PSD3: variants seen among roughly 807,000 people sequenced by gnomAD.
PSD3 encodes pleckstrin and Sec7 domain containing 3.
A neutral mutation model predicts 105.5 loss-of-function variants in PSD3; 49 were observed. The observed-to-expected ratio is 0.46, with a 90% CI of 0.37 to 0.59. The LOEUF is 0.59. Ranked by LOEUF, PSD3 falls within the 20% of genes least tolerant of loss-of-function variation. The pLI is 0.00. For synonymous variants in PSD3, 557 were observed against 457.8 expected, an observed-to-expected ratio of 1.22 and a Z score of -2.77; for missense variants, 1,561 against 1,263.8, an observed-to-expected ratio of 1.24 and a Z score of -3.57.
intron 1 of PSD3, among the ~76,000 whole-genome samples, chr8:18,936,582 T>G (rs1459688964): frequency 6.6e-6 from 1 of 152,050 alleles, no homozygotes; most frequent in African/African-American, 2.4e-5. Flanking sequence ...ACCTACATGG[T>G]GAAACCCCAT....
intron 6 of PSD3, chr8:18,804,280 A>C (rs1810995473): frequency 2.6e-6 from 1 of 382,154 alleles, no homozygotes; most frequent in South Asian, 7.9e-5. Context: ...TGCTCCCTAA[A>C]GCATTTCAGA....
chr8:18,661,745 AG>A lies in PSD3; in HGVS notation c.2173-6061del, dbSNP rs148090302. 1.8e-3 allele frequency among the ~76,000 whole-genome samples: 272 copies of A among 152,304 alleles called. 1 individual carries two copies. The highest frequency in any genetic ancestry group is 6.0e-3 in the African/African-American group (249 of 41,564). On this transcript the variant is annotated intron_variant, in intron 9 of 15. Coordinates refer to ENST00000327040, the MANE Select transcript of PSD3 (RefSeq NM_015310.4). ...AATTGTTAAGCAGAGATGCAAAAGGAGAAATAGCCTGAAGGCTTGACCACAA... is the reference window on the plus strand; with the variant it reads ...AATTGTTAAGCAGAGATGCAAAAGGAAAATAGCCTGAAGGCTTGACCACAA...
chr8:19,020,374 G>A (rs576842039), intron 1 of PSD3, among the ~76,000 whole-genome samples: 1 of 152,216 alleles, frequency 6.6e-6, no homozygotes, highest in Admixed American at 6.5e-5. Flanking sequence ...AAGGAGGTGA[G>A]GGGGAAAGCC....
rs1827058566 is a variant in PSD3 at position 19,013,598 on chromosome 8, C to A, written c.-15G>T. 6.8e-7 allele frequency: 1 copy of A among 1,469,838 alleles called. No individual in the cohort carries two copies. The highest frequency in any genetic ancestry group is 2.5e-5 in the Admixed American group (1 of 40,588). The allele number at this position is 1,469,838 out of a possible 1,614,324, so 91.0% of individuals were successfully genotyped here. A position where few individuals can be genotyped will look rare whatever the true frequency, so the allele number is the denominator to read the frequency against. On this transcript the variant is annotated 5_prime_UTR_variant, in exon 1 of 16. Coordinates refer to ENST00000327040, the MANE Select transcript of PSD3 (RefSeq NM_015310.4). Reference sequence around the variant, plus strand: ...CTTCCTTCCATCTTCCATCGCCAGCCCGGCCGCGCGCCGAAACCGCCGCCG... The same window carrying A: ...CTTCCTTCCATCTTCCATCGCCAGCACGGCCGCGCGCCGAAACCGCCGCCG...
intron 11 of PSD3, among the ~76,000 whole-genome samples, chr8:18,623,464 A>G (rs1175203617): frequency 2.0e-5 from 3 of 149,530 alleles, no homozygotes; most frequent in South Asian, 2.1e-4. Flanking sequence ...AAAAAAAAAA[A>G]AAAAAAGAAA....
chr8:18,989,229 T>C (rs936852981), intron 1 of PSD3: 48 of 152,324 alleles, frequency 3.2e-4, no homozygotes, highest in Middle Eastern at 3.4e-3. Context: ...TAGAAGCCAT[T>C]TTTTGTTCTA....
At chr8:18,567,181 C>A (rs569394645) in intron 14 of PSD3, among the ~76,000 whole-genome samples, 3 of 152,196 alleles carry the variant, frequency 2.0e-5, no homozygotes, top group South Asian at 4.2e-4. Flanking sequence ...TTTTATAGAA[C>A]TGAATGTGAG....
chr8:18,819,646 T>C (rs1289070753), intron 4 of PSD3, among the ~76,000 whole-genome samples: 2 of 140,886 alleles, frequency 1.4e-5, no homozygotes, highest in Non-Finnish European at 3.0e-5. Context: ...TGGCGCAATC[T>C]TGGCTCACTG....
intron 2 of PSD3, among the ~76,000 whole-genome samples, chr8:18,888,845 G>C (rs1818600743): frequency 6.6e-6 from 1 of 152,178 alleles, no homozygotes; most frequent in Non-Finnish European, 1.5e-5. Flanking sequence ...GGGGAGGAAA[G>C]AGTGGTAAGC....
At chr8:18,922,690 T>C (rs576846276) in intron 2 of PSD3, among the ~76,000 whole-genome samples, 6 of 152,160 alleles carry the variant, frequency 3.9e-5, no homozygotes, top group Non-Finnish European at 5.9e-5. Flanking sequence ...AGCCGTAGGT[T>C]GTTTCACCTG....
chr8:18,780,435 T>C (rs573800534), intron 8 of PSD3, among the ~76,000 whole-genome samples: 1 of 152,214 alleles, frequency 6.6e-6, no homozygotes, highest in African/African-American at 2.4e-5. Context: ...TATTCAGTAC[T>C]TAATTCCTGT....
intron 10 of PSD3, among the ~76,000 whole-genome samples, chr8:18,646,042 T>G (rs1051983223): frequency 2.6e-5 from 4 of 152,174 alleles, no homozygotes; most frequent in African/African-American, 9.6e-5. Context: ...CAGTATGATG[T>G]AGTTTCTGCT....
chr8:18,824,135 T>G (rs1490995894), intron 4 of PSD3, among the ~76,000 whole-genome samples: 1 of 152,218 alleles, frequency 6.6e-6, no homozygotes, highest in Non-Finnish European at 1.5e-5. Flanking sequence ...ATCATGCCAC[T>G]GCACTCTAGC....
intron 4 of PSD3, among the ~76,000 whole-genome samples, chr8:18,842,428 G>C (rs1050503259): frequency 2.6e-5 from 4 of 152,206 alleles, no homozygotes; most frequent in Admixed American, 1.3e-4. Flanking sequence ...AAGATAAATA[G>C]CTCTCACAAA....
intron 9 of PSD3, among the ~76,000 whole-genome samples, chr8:18,696,128 C>T (rs1280342811): frequency 6.6e-6 from 1 of 152,214 alleles, no homozygotes; most frequent in Non-Finnish European, 1.5e-5. Context: ...CAATGCCTCT[C>T]TAGCTTTCTC....
chr8:18,851,156 G>A (rs1001484077), intron 4 of PSD3, among the ~76,000 whole-genome samples: 3 of 152,188 alleles, frequency 2.0e-5, no homozygotes, highest in African/African-American at 4.8e-5. Flanking sequence ...AGAGCACTCT[G>A]CAGTCCATCT....
chr8:18,737,201 G>C (rs1455939277), intron 9 of PSD3, among the ~76,000 whole-genome samples: 1 of 152,176 alleles, frequency 6.6e-6, no homozygotes, highest in Non-Finnish European at 1.5e-5. Flanking sequence ...GTCCCAGGTA[G>C]TTCTAACATA....
At chr8:18,554,884 G>A (rs1303721592) in intron 15 of PSD3, among the ~76,000 whole-genome samples, 1 of 152,102 alleles carries the variant, frequency 6.6e-6, no homozygotes, top group East Asian at 1.9e-4. Flanking sequence ...TGAAGATGAT[G>A]GGAAGAGCAT....
At chr8:18,766,916 C>G (rs769098718) in intron 8 of PSD3, among the ~76,000 whole-genome samples, 1 of 152,218 alleles carries the variant, frequency 6.6e-6, no homozygotes, top group East Asian at 1.9e-4. Context: ...GGGAAATACG[C>G]CTATCCCTTT....
Sources: allele counts gnomAD v4.1 joint callset (sites outside exome capture counted in the v4.1 genomes callset), GRCh38; gene constraint gnomAD v4.1.1; transcripts MANE v1.5; gene names NCBI Gene and HGNC (gene_info 2026-07-23, HGNC 2026-07-21).